The following PPP1R3A variants were observed in gnomAD, a reference collection of about 807,000 sequenced individuals.
PPP1R3A encodes the protein RG1.
Under a neutral mutation model 41.7 loss-of-function variants are expected in PPP1R3A, and 29 were observed. The observed-to-expected ratio is 0.70, with a 90% CI of 0.52 to 0.95. The LOEUF (loss-of-function observed/expected upper bound fraction) is 0.95, where lower values mean the gene tolerates loss of function less well. Among genes scored for constraint, PPP1R3A ranks in the 40% least tolerant of loss-of-function variants. PPP1R3A has a pLI of 0.00. For missense variants in PPP1R3A, 1,352 were observed against 1,292.4 expected (o/e 1.05, Z -0.71); for synonymous variants, 485 against 453.4 (o/e 1.07, Z -0.89).
chr7:113,884,322 G>A (rs1430778901), intron 1 of PPP1R3A, among the ~76,000 whole-genome samples: 1 of 151,956 alleles, frequency 6.6e-6, no homozygotes, highest in Non-Finnish European at 1.5e-5. Context: ...ATGTTTCTGA[G>A]AAATAGCAGG....
chr7:113,918,728 G>A lies in PPP1R3A; in HGVS notation c.269C>T (p.Thr90Ile). 1 of 1,613,788 alleles carries A rather than the reference G, an allele frequency of 6.2e-7. No individual in the cohort carries two copies. Among genetic ancestry groups the A allele is most frequent in the African/African-American group, 1.3e-5 (1 of 74,998 alleles). Reference sequence around the variant, plus strand: ...AATGTCCGTCCCTAAGTCAAAAGTGGTTGAAGCACTCGGTAATTCCCAGCA... The same window carrying A: ...AATGTCCGTCCCTAAGTCAAAAGTGATTGAAGCACTCGGTAATTCCCAGCA... ...FDCWELPSAS[T>I]TFDLGTDIFH... The change falls in exon 1 of 4, where the codon ACC becomes ATC. Residue 90 changes from threonine (T) to isoleucine (I), a missense_variant. Coordinates refer to ENST00000284601, the MANE Select transcript of PPP1R3A (RefSeq NM_002711.4).
chr7:113,882,700 T>C (rs1796714534), intron 1 of PPP1R3A, among the ~76,000 whole-genome samples: 1 of 151,994 alleles, frequency 6.6e-6, no homozygotes, highest in Non-Finnish European at 1.5e-5. Flanking sequence ...GGCTTAATGA[T>C]AAAATTTTAT....
chr7:113,881,930 C>G (rs535740471), intron 3 of PPP1R3A, 109 bp downstream of exon 3: 1 of 1,351,700 alleles, frequency 7.4e-7, no homozygotes, highest in African/African-American at 1.4e-5. Flanking sequence ...GCTGTGCTTT[C>G]ACATTTGCAA....
intron 3 of PPP1R3A, 95 bp downstream of exon 3, chr7:113,881,942 TTA>T: frequency 1.4e-6 from 2 of 1,443,654 alleles, no homozygotes; most frequent in Non-Finnish European, 9.7e-7. Flanking sequence ...CATTTGCAAA[TTA>T]TATTAGTTGA....
intron 1 of PPP1R3A, among the ~76,000 whole-genome samples, chr7:113,903,179 G>C (rs1178667381): frequency 6.6e-6 from 1 of 151,532 alleles, no homozygotes; most frequent in Admixed American, 6.6e-5. Flanking sequence ...TTTTTCACTA[G>C]GTAAAAGTGT....
chr7:113,907,471 A>G (rs548240968), intron 1 of PPP1R3A, among the ~76,000 whole-genome samples: 20 of 151,714 alleles, frequency 1.3e-4, no homozygotes, highest in African/African-American at 4.8e-4. Context: ...CAGTTTCTTC[A>G]TCTATAACTA....
In PPP1R3A at chr7:113,879,644, C is replaced by T. The variant is rs866518324; in HGVS notation, c.1448G>A (p.Gly483Glu). Residue 483 changes from glycine (G) to glutamate (E), a missense_variant, in exon 4 of 4, where the codon GGA (glycine) becomes GAA (glutamate). By Grantham distance (98) the Gly-to-Glu change is moderately conservative. Coordinates refer to ENST00000284601, the MANE Select transcript of PPP1R3A (RefSeq NM_002711.4). ...GAKNIEVKDL[G>E]CLRRDFHSDT... ...TGAATGGAAATCTCTTCGTAAACAT[C>T]CCAAATCTTTTACTTCAATATTTTT... The T allele has an allele frequency of 6.2e-7, 1 of 1,613,202 alleles. No homozygotes were observed. Among genetic ancestry groups the T allele is most frequent in the Non-Finnish European group, 8.5e-7 (1 of 1,179,644 alleles).
chr7:113,891,101 A>AAAAAAAAAAAAAAAAAAAC (rs1796877859), intron 1 of PPP1R3A, among the ~76,000 whole-genome samples: 2 of 115,448 alleles, frequency 1.7e-5, no homozygotes, highest in Non-Finnish European at 3.6e-5. Flanking sequence ...AAAAAAAAAA[A>AAAAAAAAAAAAAAAAAAAC]AAAAAAAAAA....
chr7:113,918,083 C>T (rs568320184), intron 1 of PPP1R3A, 132 bp downstream of exon 1: 3 of 867,534 alleles, frequency 3.5e-6, no homozygotes, highest in South Asian at 1.8e-5. Context: ...TTGTTAAAGC[C>T]TGGCACCATT....
In PPP1R3A at chr7:113,877,544, A is replaced by T; in HGVS notation, c.*179T>A. 1.7e-6 allele frequency: 1 copy of T among 594,350 alleles called. No individual in the cohort carries two copies. Among genetic ancestry groups the T allele is most frequent in the Non-Finnish European group, 2.7e-6 (1 of 364,740 alleles). The allele number at this position is 594,350 out of a possible 1,614,324, so 36.8% of individuals were successfully genotyped here. Reference sequence around the variant, plus strand: ...TATAGGTATTTAATGATCCAAACATAATGGTCCTATATAGAATAATTACTT... The same window carrying T: ...TATAGGTATTTAATGATCCAAACATTATGGTCCTATATAGAATAATTACTT... On this transcript the variant is annotated 3_prime_UTR_variant, in exon 4 of 4. Transcript: ENST00000284601.
chr7:113,899,559 C>G (rs1797030389), intron 1 of PPP1R3A, among the ~76,000 whole-genome samples: 1 of 151,722 alleles, frequency 6.6e-6, no homozygotes, highest in Non-Finnish European at 1.5e-5. Context: ...TAGCATTATT[C>G]TTTTTGTGGA....
At position 113,882,304 on chromosome 7, in the gene PPP1R3A, CTGA is replaced by C. The variant is rs754777719; in HGVS notation, c.796_798del (p.Ser266del). On this transcript the variant is annotated inframe_deletion, in exon 2 of 4. Transcript: ENST00000284601. The stretch of plus-strand genomic sequence containing the variant: ...TCAAAGTTATTTTCTTCTGATGTTA[CTGA>C]TGATTCTTCTTTACTGTTAAATTTA... 1 of 1,460,934 alleles carries C rather than the reference CTGA, an allele frequency of 6.8e-7. No homozygotes were observed. Among genetic ancestry groups the C allele is most frequent in the Non-Finnish European group, 9.6e-7 (1 of 1,043,712 alleles). 90.5% of individuals were successfully genotyped at this position (1,460,934 alleles called of 1,614,324 possible).
Position 113,880,156 on chromosome 7 carries a change from G to T in PPP1R3A, c.967-31C>A. The stretch of plus-strand genomic sequence containing the variant: ...GGGATAAAAACAACAAAGAAATAAT[G>T]ACCATAAGATCTTTTAAAATATATA... On this transcript the variant is annotated intron_variant, in intron 3 of 3. Transcript: ENST00000284601. 5 of 1,540,512 alleles carry T rather than the reference G, an allele frequency of 3.2e-6. No individual in the cohort carries two copies. In the South Asian group the frequency reaches 4.5e-5, roughly 14 times the overall value.
intron 1 of PPP1R3A, among the ~76,000 whole-genome samples, chr7:113,909,510 A>G (rs553759393): frequency 2.6e-5 from 4 of 152,154 alleles, no homozygotes; most frequent in East Asian, 1.9e-4. Flanking sequence ...CTGTTGACCA[A>G]TTGGGCTATT....
chr7:113,886,603 G>T (rs1013515724), intron 1 of PPP1R3A, among the ~76,000 whole-genome samples: 1 of 152,134 alleles, frequency 6.6e-6, no homozygotes, highest in African/African-American at 2.4e-5. Flanking sequence ...GAAATGAAAT[G>T]AGTAGAATTC....
At chr7:113,904,975 G>T (rs1255979724) in intron 1 of PPP1R3A, among the ~76,000 whole-genome samples, 2 of 151,552 alleles carry the variant, frequency 1.3e-5, no homozygotes, top group Admixed American at 1.3e-4. Flanking sequence ...ATTATTCTGA[G>T]AAAGTGGAAA....
At position 113,918,871 on chromosome 7, in the gene PPP1R3A, A is replaced by G. The variant is rs372659556; in HGVS notation, c.126T>C (p.Ser42=). The G allele has an allele frequency of 1.2e-6, 2 of 1,613,832 alleles. No homozygotes were observed. Among genetic ancestry groups the G allele is most frequent in the African/African-American group, 1.3e-5 (1 of 75,026 alleles). ...CTTCAGAAGAATCAGAACCTCGTCT[A>G]CTTGGTTGAGGGGAGAAACCAGGTT... ...TFQPGFSPQP[S]RRGSDSSEDI... Residue 42 remains serine (S), a synonymous_variant, in exon 1 of 4, where the codon AGT becomes AGC. Transcript: ENST00000284601.
At chr7:113,916,655 A>T (rs1363159233) in intron 1 of PPP1R3A, among the ~76,000 whole-genome samples, 1 of 152,104 alleles carries the variant, frequency 6.6e-6, no homozygotes, top group Non-Finnish European at 1.5e-5. Flanking sequence ...TTTCTCTAAC[A>T]TATAGAGCAA....
intron 1 of PPP1R3A, among the ~76,000 whole-genome samples, chr7:113,913,805 T>A (rs1737432923): frequency 6.6e-6 from 1 of 152,110 alleles, no homozygotes; most frequent in South Asian, 2.1e-4. Context: ...AATTCTTATT[T>A]CATTTTTTAT....
Sources: gnomAD v4.1 joint callset for allele counts (sites outside exome capture counted in the v4.1 genomes callset) on GRCh38, gnomAD v4.1.1 for gene constraint, MANE v1.5 for transcripts, NCBI Gene and HGNC (gene_info 2026-07-23, HGNC 2026-07-21) for gene names.